DMAC2L: variants seen among roughly 807,000 people sequenced by gnomAD.
The protein encoded by DMAC2L is distal membrane arm assembly component 2 like.
DMAC2L carries 21 observed loss-of-function variants against 22.5 expected under a neutral mutation model. That is an observed-to-expected ratio of 0.93 (90% CI 0.66 to 1.34). DMAC2L has a LOEUF of 1.34. Among genes scored for constraint, DMAC2L ranks in the 40% most tolerant of loss-of-function variants. DMAC2L has a pLI of 0.00. For synonymous variants in DMAC2L, 86 were observed against 89.5 expected (o/e 0.96, Z 0.22); for missense variants, 239 against 246.5 (o/e 0.97, Z 0.20).
In DMAC2L at chr14:50,326,450, A is replaced by G; in HGVS notation, c.*727A>G. Reference sequence around the variant, plus strand: ...ATTATGAAAAATTAGAAGCTAAATTACAGATTCATTGATGGAGTCAATTAT... The same window carrying G: ...ATTATGAAAAATTAGAAGCTAAATTGCAGATTCATTGATGGAGTCAATTAT... On this transcript the variant is annotated 3_prime_UTR_variant, in exon 6 of 6. Transcript: ENST00000557421. The G allele has an allele frequency of 1.0e-6, 1 of 985,020 alleles. No individual in the cohort carries two copies. The highest frequency in any genetic ancestry group is 1.2e-6 in the Non-Finnish European group (1 of 829,552). The allele number at this position is 985,020 out of a possible 1,614,324, so 61.0% of individuals were successfully genotyped here. A position where few individuals can be genotyped will look rare whatever the true frequency, so the allele number is the denominator to read the frequency against.
At position 50,321,565 on chromosome 14, in the gene DMAC2L, C is replaced by G. The variant is rs2032277212; in HGVS notation, c.78C>G (p.Phe26Leu). 2.5e-6 allele frequency: 4 copies of G among 1,613,892 alleles called. No homozygotes were observed. Among genetic ancestry groups the G allele is most frequent in the African/African-American group, 1.3e-5 (1 of 74,914 alleles). The change falls in exon 3 of 6, where the codon TTC (phenylalanine) becomes TTG (leucine). Residue 26 changes from phenylalanine to leucine, a missense_variant. Coordinates refer to ENST00000557421, the MANE Select transcript of DMAC2L (RefSeq NM_001382507.1). ...CATGGTCATGTGACTCCAGATACTT[C>G]TGGGGCTGGTTGAATGCAGTGTTTA... The part of the protein sequence containing the change: ...KLPWSCDSRY[F>L]WGWLNAVFNK...
intron 2 of DMAC2L, among the ~76,000 whole-genome samples, chr14:50,316,346 T>A (rs770729512): frequency 1.3e-5 from 2 of 152,266 alleles, no homozygotes; most frequent in Non-Finnish European, 2.9e-5. Flanking sequence ...TCTCCCACTA[T>A]GTGGGTTGTC....
At chr14:50,322,905 CCTT>C (rs2032401265) in intron 4 of DMAC2L, 186 bp downstream of exon 4, 1 of 1,443,476 alleles carries the variant, frequency 6.9e-7, no homozygotes, top group Non-Finnish European at 9.1e-7. Flanking sequence ...ACCTTCCTCT[CCTT>C]CCTCCTCTCA....
chr14:50,319,600 A>C (rs955500407), intron 2 of DMAC2L, among the ~76,000 whole-genome samples: 3 of 152,212 alleles, frequency 2.0e-5, no homozygotes, highest in African/African-American at 7.2e-5. Context: ...GAAGTTACTT[A>C]ATATCAGGGC....
intron 5 of DMAC2L, among the ~76,000 whole-genome samples, chr14:50,325,079 G>T (rs1322047667): frequency 1.3e-5 from 2 of 152,110 alleles, no homozygotes; most frequent in Non-Finnish European, 2.9e-5. Flanking sequence ...CGGCCTAGAA[G>T]TTTGTTTAAT....
chr14:50,324,553 G>A (rs1441363181), intron 5 of DMAC2L: 1 of 153,378 alleles, frequency 6.5e-6, no homozygotes, highest in East Asian at 1.9e-4. Flanking sequence ...CTAGAGCCTA[G>A]AACACTGCCT....
chr14:50,314,255 CA>C (rs954644792), intron 1 of DMAC2L, among the ~76,000 whole-genome samples: 36 of 152,196 alleles, frequency 2.4e-4, no homozygotes, highest in African/African-American at 7.2e-4. Flanking sequence ...ATGAGCCTCA[CA>C]AGATGTGATG....
intron 2 of DMAC2L, chr14:50,319,009 AT>A (rs1347194103): frequency 3.0e-6 from 3 of 985,270 alleles, no homozygotes; most frequent in Non-Finnish European, 3.6e-6. Flanking sequence ...TTCAATAAAC[AT>A]TTTTTGAGCG....
chr14:50,321,262 C>T (rs922301921), intron 2 of DMAC2L: 9 of 690,042 alleles, frequency 1.3e-5, no homozygotes, highest in Non-Finnish European at 1.8e-5. Context: ...ACGTTCTAGC[C>T]GGAAGGAGCC....
At chr14:50,312,308 C>T (rs2031285838), upstream of DMAC2L, 1 of 1,122,830 alleles carries the variant, frequency 8.9e-7, no homozygotes, top group Non-Finnish European at 1.3e-6. Context: ...AATAGGCGCG[C>T]GCGTCGGAGG....
chr14:50,313,855 C>A (rs2883804), intron 1 of DMAC2L, among the ~76,000 whole-genome samples: 61,910 of 152,046 alleles, frequency 0.41, 13,136 homozygotes, highest in East Asian at 0.62. Flanking sequence ...CCACAAGGGT[C>A]CCTCCAGTTG....
Position 50,321,270 on chromosome 14 carries a change from GC to G in DMAC2L, c.-5-211del, listed in dbSNP as rs2032246515. 13 of 823,390 alleles carry G rather than the reference GC, an allele frequency of 1.6e-5. No individual in the cohort carries two copies. The South Asian group carries it at 3.3e-4, about 21-fold the overall frequency. The allele number at this position is 823,390 out of a possible 1,614,324, so 51.0% of individuals were successfully genotyped here. A position where few individuals can be genotyped will look rare whatever the true frequency, so the allele number is the denominator to read the frequency against. On this transcript the variant is annotated intron_variant, in intron 2 of 5. Transcript: ENST00000557421. ...GAACTTAACGTTCTAGCCGGAAGGA[GC>G]CTTAGACACCATCCAGTCCAACCCC...
At chr14:50,320,583 C>T in intron 2 of DMAC2L, among the ~76,000 whole-genome samples, 1 of 152,142 alleles carries the variant, frequency 6.6e-6, no homozygotes, top group Non-Finnish European at 1.5e-5. Flanking sequence ...TTCCTGGCAC[C>T]TTTGTTTGTT....
At chr14:50,311,994 G>A (rs775212318), upstream of DMAC2L, 1 of 1,553,392 alleles carries the variant, frequency 6.4e-7, no homozygotes, top group East Asian at 2.4e-5. Flanking sequence ...CGGCGGGGAG[G>A]ACCAGCGGCC....
intron 2 of DMAC2L, among the ~76,000 whole-genome samples, chr14:50,318,283 CA>C (rs2031980606): frequency 2.0e-5 from 3 of 152,202 alleles, no homozygotes; most frequent in Admixed American, 2.0e-4. Context: ...TTTGCAAAAT[CA>C]TTAGCAAAGT....
intron 4 of DMAC2L, 53 bp from the exon 5 acceptor site, chr14:50,323,892 G>T: frequency 6.7e-7 from 1 of 1,493,210 alleles, no homozygotes; most frequent in Non-Finnish European, 9.1e-7. Context: ...AACCAGGACA[G>T]TTTGTCATCT....
intron 4 of DMAC2L, among the ~76,000 whole-genome samples, chr14:50,323,274 A>G (rs1321711567): frequency 4.0e-5 from 6 of 151,118 alleles, no homozygotes; most frequent in Admixed American, 4.0e-4. Flanking sequence ...TATTTTTAGT[A>G]GAGATGGGGT....
chr14:50,323,456 T>C (rs2032466382), intron 4 of DMAC2L, among the ~76,000 whole-genome samples: 1 of 141,848 alleles, frequency 7.0e-6, no homozygotes, highest in South Asian at 2.4e-4. Flanking sequence ...TGCAGTGGCG[T>C]GATCTTGGCT....
At chr14:50,319,074 CCA>C in intron 2 of DMAC2L, 2 of 985,328 alleles carry the variant, frequency 2.0e-6, no homozygotes, top group Non-Finnish European at 2.4e-6. Context: ...GGTGGGATTT[CCA>C]CAGATTGATG....
Sources: allele counts gnomAD v4.1 joint callset (sites outside exome capture counted in the v4.1 genomes callset), GRCh38; gene constraint gnomAD v4.1.1; transcripts MANE v1.5; gene names NCBI Gene and HGNC (gene_info 2026-07-23, HGNC 2026-07-21).